Variants in H3-3A observed in about 807,000 individuals in gnomAD.
The protein encoded by H3-3A is H3.3 histone A, also known as histone H3.3.
For synonymous variants in H3-3A, 49 were observed against 61.4 expected (o/e 0.80, Z 0.95); for missense variants, 7 against 184.0 (o/e 0.04, Z 5.57).
chr1:226,070,508 T>C (rs960241536), intron 3 of H3-3A, among the ~76,000 whole-genome samples: 1 of 151,038 alleles, frequency 6.6e-6, no homozygotes, highest in Non-Finnish European at 1.5e-5. Flanking sequence ...GCGCGGTGGC[T>C]CACGCCTATA....
intron 1 of H3-3A, among the ~76,000 whole-genome samples, chr1:226,063,285 CTCTCT>C (rs769910141): frequency 6.6e-6 from 1 of 152,154 alleles, no homozygotes; most frequent in Non-Finnish European, 1.5e-5. Flanking sequence ...ACCATCTTGT[CTCTCT>C]TCTCTGGTCA....
intron 3 of H3-3A, among the ~76,000 whole-genome samples, chr1:226,069,931 G>C (rs955853778): frequency 6.6e-6 from 1 of 152,208 alleles, no homozygotes; most frequent in Admixed American, 6.5e-5. Flanking sequence ...TTTGAGTTAT[G>C]AGTTAATTCT....
In H3-3A at chr1:226,064,884, A is replaced by G. The variant is rs1657872592; in HGVS notation, c.128+405A>G. Among the ~76,000 whole-genome samples, 2 of 152,176 alleles carry G rather than the reference A, an allele frequency of 1.3e-5. 1 individual carries two copies. Among genetic ancestry groups the G allele is most frequent in the South Asian group, 4.1e-4 (2 of 4,828 alleles). ...ATAATCGAGATTGGGTGTTTTATAA[A>G]GTTCCTACCCCCTCATTTACTTGAT... On this transcript the variant is annotated intron_variant, in intron 2 of 3. Transcript: ENST00000366815.
At chr1:226,068,653 C>T (rs1263493002) in intron 3 of H3-3A, among the ~76,000 whole-genome samples, 1 of 152,080 alleles carries the variant, frequency 6.6e-6, no homozygotes, top group Admixed American at 6.6e-5. Flanking sequence ...AGGTAAGATG[C>T]GAGGGACTAC....
chr1:226,070,302 A>G (rs1658067959), intron 3 of H3-3A, among the ~76,000 whole-genome samples: 1 of 151,630 alleles, frequency 6.6e-6, no homozygotes, highest in Non-Finnish European at 1.5e-5. Flanking sequence ...TAACACAATG[A>G]AGCCCCATCT....
chr1:226,064,582 C>T (rs1553260643), intron 2 of H3-3A, 103 bp downstream of exon 2: 2 of 794,580 alleles, frequency 2.5e-6, no homozygotes, highest in Non-Finnish European at 3.9e-6. Flanking sequence ...TTTAGAGAAA[C>T]TTTTTTTTTT....
chr1:226,070,004 CATTTTT>C (rs1242569418), intron 3 of H3-3A, among the ~76,000 whole-genome samples: 1 of 152,130 alleles, frequency 6.6e-6, no homozygotes, highest in African/African-American at 2.4e-5. Context: ...CATACACTGT[CATTTTT>C]AAGTGGTAGT....
At chr1:226,068,886 GGA>G (rs1658007001) in intron 3 of H3-3A, among the ~76,000 whole-genome samples, 1 of 152,140 alleles carries the variant, frequency 6.6e-6, no homozygotes, top group South Asian at 2.1e-4. Context: ...TCTCCTTCAT[GGA>G]ATAGTCTTGA....
intron 1 of H3-3A, among the ~76,000 whole-genome samples, chr1:226,063,458 G>C (rs1345298037): frequency 1.3e-5 from 2 of 152,294 alleles, no homozygotes; most frequent in East Asian, 3.9e-4. Flanking sequence ...CACGTGGCAG[G>C]GGATAGGGGT....
intron 3 of H3-3A, among the ~76,000 whole-genome samples, chr1:226,067,778 T>G (rs1657976716): frequency 6.6e-6 from 1 of 151,770 alleles, no homozygotes; most frequent in South Asian, 2.1e-4. Flanking sequence ...GGAGAATTTG[T>G]TAATGGAATA....
chr1:226,064,956 A>G (rs927715382), intron 2 of H3-3A, among the ~76,000 whole-genome samples: 2 of 152,164 alleles, frequency 1.3e-5, no homozygotes. Flanking sequence ...GAACTACCTG[A>G]GCCACTGTGT....
chr1:226,070,344 C>T (rs938672722), intron 3 of H3-3A, among the ~76,000 whole-genome samples: 18 of 151,556 alleles, frequency 1.2e-4, no homozygotes, highest in African/African-American at 7.3e-5. Flanking sequence ...TGGTGGTGGG[C>T]GCCTGTAGCC....
intron 3 of H3-3A, among the ~76,000 whole-genome samples, chr1:226,068,633 C>T (rs1374229057): frequency 1.3e-5 from 2 of 152,046 alleles, no homozygotes; most frequent in African/African-American, 4.8e-5. Context: ...GCTTTTAATA[C>T]CTGTGGAATA....
chr1:226,065,621 T>C (rs748593186), intron 2 of H3-3A, 35 bp from the exon 3 acceptor site: 1 of 1,493,592 alleles, frequency 6.7e-7, no homozygotes, highest in Non-Finnish European at 9.0e-7. Context: ...GCTAGTTATG[T>C]TTTTGGTAAC....
chr1:226,064,639 T>G (rs1188741760), intron 2 of H3-3A, among the ~76,000 whole-genome samples, 160 bp downstream of exon 2: 2 of 152,186 alleles, frequency 1.3e-5, no homozygotes, highest in Non-Finnish European at 2.9e-5. Flanking sequence ...TGTATGATCA[T>G]TTATATATAA....
chr1:226,069,251 T>A (rs1056066911), intron 3 of H3-3A, among the ~76,000 whole-genome samples: 2 of 152,142 alleles, frequency 1.3e-5, no homozygotes, highest in African/African-American at 4.8e-5. Context: ...TTCTCCGTGT[T>A]GGTCAGTCTA....
chr1:226,070,865 T>C (rs983643705), intron 3 of H3-3A, among the ~76,000 whole-genome samples: 1 of 152,174 alleles, frequency 6.6e-6, no homozygotes, highest in African/African-American at 2.4e-5. Flanking sequence ...GGAACATAGA[T>C]GAGAAGCATG....
chr1:226,067,072 T>A (rs1443326715), intron 3 of H3-3A: 1 of 152,210 alleles, frequency 6.6e-6, no homozygotes, highest in Non-Finnish European at 1.5e-5. Flanking sequence ...TACAGAAATG[T>A]TACTAAGATT....
At chr1:226,071,077 AC>A (rs111674076) in intron 3 of H3-3A, among the ~76,000 whole-genome samples, 10 of 152,338 alleles carry the variant, frequency 6.6e-5, no homozygotes, top group African/African-American at 2.4e-4. Flanking sequence ...AAATCATGTT[AC>A]CATTAGAAAA....
Sources: gnomAD v4.1 joint callset for allele counts (sites outside exome capture counted in the v4.1 genomes callset) on GRCh38, gnomAD v4.1.1 for gene constraint, MANE v1.5 for transcripts, NCBI Gene and HGNC (gene_info 2026-07-23, HGNC 2026-07-21) for gene names.